Variants in DNAH10 observed in about 807,000 individuals in gnomAD.
DNAH10 encodes the protein axonemal beta dynein heavy chain 10.
DNAH10 carries 348 observed loss-of-function variants against 506.6 expected under a neutral mutation model. The ratio of observed to expected loss-of-function variants is 0.69; its 90% confidence interval spans 0.63 to 0.75. The LOEUF (loss-of-function observed/expected upper bound fraction) is 0.75. Among genes scored for constraint, DNAH10 ranks in the 30% least tolerant of loss-of-function variants. DNAH10 has a pLI of 0.00. For missense variants in DNAH10, 5,179 were observed against 5,787.1 expected (o/e 0.89, Z 3.41); for synonymous variants, 2,059 against 2,198.6 (o/e 0.94, Z 1.78).
rs754418227 is a variant in DNAH10, at chr12:123,847,958, C to T, written c.5815-3C>T. The T allele has an allele frequency of 6.2e-7, 1 of 1,605,450 alleles. No homozygotes were observed. Among genetic ancestry groups the T allele is most frequent in the South Asian group, 1.1e-5 (1 of 90,366 alleles). On this transcript the variant is annotated splice_region_variant and splice_polypyrimidine_tract_variant and intron_variant, in intron 32 of 78. Coordinates refer to ENST00000673944, the MANE Select transcript of DNAH10 (RefSeq NM_001372106.1). ...CATATGTTTTGCATTTGGCTTATAA[C>T]AGGCGCTGTCCATGTATCTAGGTGG...
At chr12:123,775,363 C>A (rs2135993079) in intron 5 of DNAH10, among the ~76,000 whole-genome samples, 1 of 152,290 alleles carries the variant, frequency 6.6e-6, no homozygotes, top group African/African-American at 2.4e-5. Context: ...CCCGCCTTGG[C>A]CTCCCAAAGT....
chr12:123,896,148 C>CACACACATAGAG (rs1383690518), intron 54 of DNAH10, among the ~76,000 whole-genome samples: 21 of 95,324 alleles, frequency 2.2e-4, no homozygotes, highest in Admixed American at 3.2e-4. Context: ...CACACACACA[C>CACACACATAGAG]AGAGAGAGAG....
chr12:123,828,468 T>C (rs1229936340), intron 25 of DNAH10, among the ~76,000 whole-genome samples: 1 of 152,180 alleles, frequency 6.6e-6, no homozygotes, highest in African/African-American at 2.4e-5. Flanking sequence ...ACTGCTTCTG[T>C]GTCTCTCTGT....
In DNAH10 at chr12:123,770,341, C is replaced by T. The variant is rs188092837; in HGVS notation, c.299-1260C>T. 5.3e-4 allele frequency among the ~76,000 whole-genome samples: 81 copies of T among 151,998 alleles called. 1 individual carries two copies. The highest frequency in any genetic ancestry group is 1.9e-3 in the African/African-American group (78 of 41,444). On this transcript the variant is annotated intron_variant, in intron 2 of 78. Coordinates refer to ENST00000673944, the MANE Select transcript of DNAH10 (RefSeq NM_001372106.1). Reference sequence around the variant, plus strand: ...AAACTCCTGGCCTCAAATGATCTTCCACCCTGTAGCTGGGACTATAGGCGG... The same window carrying T: ...AAACTCCTGGCCTCAAATGATCTTCTACCCTGTAGCTGGGACTATAGGCGG...
At chr12:123,896,168 G>T (rs1301470346) in intron 54 of DNAH10, among the ~76,000 whole-genome samples, 68 of 150,692 alleles carry the variant, frequency 4.5e-4, no homozygotes, top group African/African-American at 1.5e-3. Flanking sequence ...GAGAGAGAGA[G>T]AGAGAGAGAG....
chr12:123,821,229 G>A (rs912343155), intron 24 of DNAH10, among the ~76,000 whole-genome samples: 4 of 150,928 alleles, frequency 2.7e-5, no homozygotes, highest in African/African-American at 7.3e-5. Flanking sequence ...CAGCCTGGGC[G>A]ACAAGAGCGA....
rs1282678527 is a variant in DNAH10, at chr12:123,935,389, G to A, written c.13678G>A (p.Val4560Ile). ...CTCCATGAGAAGGAACGCCATGGGA[G>A]TCGGCTTGGTTTTTGAAGCTGATCT... ...TTSMRRNAMG[V>I]GLVFEADLFT... Residue 4560 changes from valine (V) to isoleucine (I), a missense_variant, in exon 79 of 79, where the codon GTC (valine) becomes ATC (isoleucine). Transcript: ENST00000673944. 4 of 1,611,826 alleles carry A rather than the reference G, an allele frequency of 2.5e-6. No individual in the cohort carries two copies. Among genetic ancestry groups the A allele is most frequent in the African/African-American group, 2.7e-5 (2 of 74,926 alleles).
At chr12:123,771,846 G>A in intron 3 of DNAH10, 148 bp downstream of exon 3, 1 of 683,426 alleles carries the variant, frequency 1.5e-6, no homozygotes, top group Non-Finnish European at 2.5e-6. Flanking sequence ...CAGATTCAGT[G>A]ATTGGCTGGA....
chr12:123,894,952 T>G (rs894431286), intron 54 of DNAH10, among the ~76,000 whole-genome samples: 2 of 152,210 alleles, frequency 1.3e-5, no homozygotes, highest in Admixed American at 1.3e-4. Context: ...GATTAGGTGT[T>G]CTCCACAGCA....
intron 19 of DNAH10, among the ~76,000 whole-genome samples, chr12:123,810,333 G>T (rs540925972): frequency 6.6e-5 from 10 of 152,258 alleles, no homozygotes; most frequent in African/African-American, 4.8e-5. Context: ...ATTTTTAGGG[G>T]CATAAAAATA....
At chr12:123,771,415 A>C (rs540302907) in intron 2 of DNAH10, among the ~76,000 whole-genome samples, 186 bp from the exon 3 acceptor site, 1 of 152,194 alleles carries the variant, frequency 6.6e-6, no homozygotes, top group Non-Finnish European at 1.5e-5. Flanking sequence ...AACGAAACAC[A>C]ATTCTTGTCA....
chr12:123,902,833 C>A lies in DNAH10; in HGVS notation c.9641-106C>A, dbSNP rs1380056784. ...TTGGCCAGAGCCCCTTAGATCCCCG[C>A]TAGGGCTCAAGCCAACCTTTGAGGA... On this transcript the variant is annotated intron_variant, in intron 56 of 78. Transcript: ENST00000673944. The surrounding 1 kb of genome is among the most constrained non-coding windows in gnomAD (Gnocchi z 4.5). 7.2e-7 allele frequency: 1 copy of A among 1,394,434 alleles called. No individual in the cohort carries two copies. Among genetic ancestry groups the A allele is most frequent in the Non-Finnish European group, 9.5e-7 (1 of 1,048,574 alleles). The allele number at this position is 1,394,434 out of a possible 1,614,324, so 86.4% of individuals were successfully genotyped here. A position where few individuals can be genotyped will look rare whatever the true frequency, so the allele number is the denominator to read the frequency against.
rs1298637150 is a variant in DNAH10, at chr12:123,881,654, C to A, written c.8664C>A (p.Asn2888Lys). ...TTCTTGAAGAGTATAATGAAAGCAA[C>A]ACCAAAATGAACTTGGTTCTCTTCG... Reference protein sequence around the residue: ...QEILEEYNESNTKMNLVLFDD... With the variant: ...QEILEEYNESKTKMNLVLFDD... The change falls in exon 51 of 79, where the codon AAC (asparagine) becomes AAA (lysine). Residue 2888 changes from asparagine to lysine, a missense_variant. Transcript: ENST00000673944. 3 of 1,537,756 alleles carry A rather than the reference C, an allele frequency of 2.0e-6. No homozygotes were observed. The Admixed American group carries it at 6.3e-5, about 33-fold the overall frequency.
intron 29 of DNAH10, 25 bp from the exon 30 acceptor site, chr12:123,841,297 C>T: frequency 6.2e-7 from 1 of 1,611,540 alleles, no homozygotes; most frequent in Non-Finnish European, 8.5e-7. Context: ...GCAGGTCTTA[C>T]AGGGCTGCCT....
At chr12:123,831,538 A>G (rs1960542918) in intron 26 of DNAH10, among the ~76,000 whole-genome samples, 1 of 152,204 alleles carries the variant, frequency 6.6e-6, no homozygotes, top group Non-Finnish European at 1.5e-5. Context: ...ACAGCAAGGA[A>G]CTACATTGAG....
rs933103974 is a variant in DNAH10 at position 123,919,885 on chromosome 12, G to T, written c.11506+936G>T. Among the ~76,000 whole-genome samples the T allele has an allele frequency of 1.3e-5, 2 of 152,144 alleles. No homozygotes were observed. The highest frequency in any genetic ancestry group is 2.9e-5 in the Non-Finnish European group (2 of 68,032). ...ACCTGATGGGCATTTGGGTTGTTTC[G>T]CTTGTTTTGCTATTAAGGCAATGCT... On this transcript the variant is annotated intron_variant, in intron 65 of 78. Coordinates refer to ENST00000673944, the MANE Select transcript of DNAH10 (RefSeq NM_001372106.1). The surrounding 1 kb of genome is among the most constrained non-coding windows in gnomAD (Gnocchi z 4.9).
chr12:123,917,004 G>A lies in DNAH10; in HGVS notation c.11002+268G>A, dbSNP rs1327440217. 6.6e-6 allele frequency among the ~76,000 whole-genome samples: 1 copy of A among 152,134 alleles called. No homozygotes were observed. The highest frequency in any genetic ancestry group is 1.5e-5 in the Non-Finnish European group (1 of 68,022). ...GATGGGACCTCTGACTGTGGGGGCA[G>A]GAAGTTACTCTATATTCGTGTATTT... On this transcript the variant is annotated intron_variant, in intron 63 of 78. Transcript: ENST00000673944. The surrounding 1 kb of genome is among the most constrained non-coding windows in gnomAD (Gnocchi z 5.6).
chr12:123,803,516 T>C lies in DNAH10; in HGVS notation c.2615-145T>C, dbSNP rs986559057. On this transcript the variant is annotated intron_variant, in intron 16 of 78. Coordinates refer to ENST00000673944, the MANE Select transcript of DNAH10 (RefSeq NM_001372106.1). ...GTCCCTTAGGGTTCAAAGTGGATCT[T>C]TGCCAGCCCAAAGACCCAAGGGGTT... 7.8e-6 allele frequency: 6 copies of C among 764,782 alleles called. No individual in the cohort carries two copies. In the African/African-American group the frequency reaches 9.1e-5, roughly 12 times the overall value. 47.4% of individuals were successfully genotyped at this position (764,782 alleles called of 1,614,324 possible). A position where few individuals can be genotyped will look rare whatever the true frequency, so the allele number is the denominator to read the frequency against.
At chr12:123,800,767 C>T (rs1186902688) in intron 15 of DNAH10, among the ~76,000 whole-genome samples, 1 of 151,826 alleles carries the variant, frequency 6.6e-6, no homozygotes, top group Non-Finnish European at 1.5e-5. Flanking sequence ...GCCTGTAATC[C>T]CAGTACTTTG....
Sources: gnomAD v4.1 joint callset for allele counts (sites outside exome capture counted in the v4.1 genomes callset) on GRCh38, gnomAD v4.1.1 for gene constraint, Gnocchi (gnomAD v3.1) non-coding constraint, MANE v1.5 for transcripts, NCBI Gene and HGNC (gene_info 2026-07-23, HGNC 2026-07-21) for gene names.